CETP: variants seen among roughly 807,000 people sequenced by gnomAD.
The protein encoded by CETP is cholesteryl ester transfer protein.
Under a neutral mutation model 66.5 loss-of-function variants are expected in CETP, and 56 were observed. That is an observed-to-expected ratio of 0.84 (90% CI 0.68 to 1.05). The LOEUF (loss-of-function observed/expected upper bound fraction) is 1.05. Ranked by LOEUF, CETP falls within the 50% of genes least tolerant of loss-of-function variation. The probability of loss-of-function intolerance (pLI) is 0.00; values close to 1 mark genes in which losing one functional copy is unlikely to be tolerated. For synonymous variants in CETP, 251 were observed against 245.7 expected, an observed-to-expected ratio of 1.02 and a Z score of -0.20; for missense variants, 612 against 609.6, an observed-to-expected ratio of 1.00 and a Z score of -0.04.
intron 2 of CETP, among the ~76,000 whole-genome samples, chr16:56,966,859 C>T (rs1201289895): frequency 2.0e-5 from 3 of 151,536 alleles, no homozygotes; most frequent in South Asian, 2.1e-4. Context: ...AGATGATCCA[C>T]CTGCCTCGGC....
In CETP at chr16:56,981,628, C is replaced by T. The variant is rs776205852; in HGVS notation, c.1215-19C>T. On this transcript the variant is annotated intron_variant, in intron 12 of 15. Coordinates refer to ENST00000200676, the MANE Select transcript of CETP (RefSeq NM_000078.3). Reference sequence around the variant, plus strand: ...GGGGCCCAATGGAGGGTCAAATTATCATCGCTTTTTTATTTCAGGATTACA... The same window carrying T: ...GGGGCCCAATGGAGGGTCAAATTATTATCGCTTTTTTATTTCAGGATTACA... The T allele has an allele frequency of 9.3e-6, 15 of 1,613,698 alleles. No individual in the cohort carries two copies. The East Asian group carries it at 2.7e-4, about 29-fold the overall frequency.
At chr16:56,967,732 C>G (rs183066742) in intron 2 of CETP, among the ~76,000 whole-genome samples, 10 of 151,192 alleles carry the variant, frequency 6.6e-5, no homozygotes, top group African/African-American at 2.4e-4. Flanking sequence ...GTAGTAGGGT[C>G]TAATTCTAAA....
intron 2 of CETP, among the ~76,000 whole-genome samples, chr16:56,968,276 C>T (rs532929480): frequency 1.3e-5 from 2 of 152,162 alleles, no homozygotes; most frequent in African/African-American, 2.4e-5. Context: ...ACTTCCGCCT[C>T]GTGGGTTCAG....
intron 8 of CETP, among the ~76,000 whole-genome samples, chr16:56,972,394 C>G (rs561684377): frequency 1.3e-5 from 2 of 152,232 alleles, no homozygotes; most frequent in South Asian, 2.1e-4. Flanking sequence ...GTGGCCCCCC[C>G]CCAGGGGGTA....
At chr16:56,970,984 G>A (rs2056105337) in intron 5 of CETP, 49 bp from the exon 6 acceptor site, 1 of 1,577,652 alleles carries the variant, frequency 6.3e-7, no homozygotes, top group Non-Finnish European at 8.7e-7. Context: ...GGCGCTCCAT[G>A]GATGCACAGG....
chr16:56,978,340 A>G, intron 11 of CETP, 85 bp downstream of exon 11: 1 of 1,532,668 alleles, frequency 6.5e-7, no homozygotes, highest in Non-Finnish European at 9.0e-7. Context: ...GGGTCTCTGA[A>G]GCCTCCAGAT....
chr16:56,982,679 C>T (rs1202298765), intron 14 of CETP, among the ~76,000 whole-genome samples: 1 of 152,164 alleles, frequency 6.6e-6, no homozygotes, highest in African/African-American at 2.4e-5. Context: ...TGAGGTGACT[C>T]GGATGGTAGA....
rs752197781 is a variant in CETP at position 56,969,695 on chromosome 16, G to T, written c.439+14G>T. ...ACACACAGCTGAGTATGTGTCAAGC[G>T]TCCTCTGGGGAAGTGGGAGCTGGAC... On this transcript the variant is annotated intron_variant, in intron 4 of 15. Transcript: ENST00000200676. 6 of 1,613,260 alleles carry T rather than the reference G, an allele frequency of 3.7e-6. No homozygotes were observed. Among genetic ancestry groups the T allele is most frequent in the Non-Finnish European group, 4.2e-6 (5 of 1,179,888 alleles).
At position 56,973,530 on chromosome 16, in the gene CETP, C is replaced by CTGCT; in HGVS notation, c.930+21_930+24dup. 6.2e-7 allele frequency: 1 copy of CTGCT among 1,613,758 alleles called. No individual in the cohort carries two copies. Among genetic ancestry groups the CTGCT allele is most frequent in the Non-Finnish European group, 8.5e-7 (1 of 1,179,848 alleles). On this transcript the variant is annotated intron_variant, in intron 9 of 15. Coordinates refer to ENST00000200676, the MANE Select transcript of CETP (RefSeq NM_000078.3). ...TTCAAGGTGAGTGGGTGGGGCTGGG[C>CTGCT]TGCTAGGGGATCCAGATGGCATGTG...
In CETP at chr16:56,969,474, G is replaced by A; in HGVS notation, c.322G>A (p.Val108Met). Residue 108 changes from valine to methionine, a missense_variant, in exon 3 of 16, where the codon GTG (valine) becomes ATG (methionine). Physicochemically the swap from Val to Met is conservative, Grantham distance 21 (BLOSUM62 1). Transcript: ENST00000200676. The stretch of plus-strand genomic sequence containing the variant: ...TGATGTCTCCATTCAGAACGTGTCT[G>A]TGGTCTTCAAGGGGACCCTGAAGTA... ...SIDVSIQNVS[V>M]VFKGTLKYGY... 2 of 1,614,192 alleles carry A rather than the reference G, an allele frequency of 1.2e-6. No homozygotes were observed. Among genetic ancestry groups the A allele is most frequent in the African/African-American group, 1.3e-5 (1 of 75,048 alleles).
chr16:56,976,320 C>T (rs56208677), intron 10 of CETP, among the ~76,000 whole-genome samples: 6,648 of 152,238 alleles, frequency 0.044, 248 homozygotes, highest in Non-Finnish European at 0.069. Context: ...GTGTAGGATA[C>T]AGGCTAAACG....
At chr16:56,972,932 G>A (rs1442482563) in intron 8 of CETP, among the ~76,000 whole-genome samples, 2 of 152,092 alleles carry the variant, frequency 1.3e-5, no homozygotes, top group East Asian at 1.9e-4. Flanking sequence ...CGGGGGACTG[G>A]GCAGCAGCTT....
chr16:56,981,753 G>T (rs2056190246), intron 13 of CETP, 73 bp downstream of exon 13: 2 of 1,503,238 alleles, frequency 1.3e-6, no homozygotes, highest in Non-Finnish European at 9.3e-7. Flanking sequence ...CAGGCGGAGG[G>T]CCCTAAAGGA....
rs534225179 is a variant in CETP, at chr16:56,972,534, G to A, written c.750+451G>A. Among the ~76,000 whole-genome samples, 5 of 152,300 alleles carry A rather than the reference G, an allele frequency of 3.3e-5. No homozygotes were observed. In the South Asian group the frequency reaches 1.0e-3, roughly 32 times the overall value. ...TTGCGTTCTGAGCATCTGCAGCCCCGCGGGATCAGGAGGCTGCAGGGTGTC... is the reference window on the plus strand; with the variant it reads ...TTGCGTTCTGAGCATCTGCAGCCCCACGGGATCAGGAGGCTGCAGGGTGTC... On this transcript the variant is annotated intron_variant, in intron 8 of 15. Transcript: ENST00000200676.
rs60531466 is a variant in CETP, at chr16:56,969,131, C to T, written c.234-255C>T. Among the ~76,000 whole-genome samples, 3,513 of 152,060 alleles carry T rather than the reference C, an allele frequency of 0.023. 147 individuals are homozygous for T. The highest frequency in any genetic ancestry group is 0.08 in the African/African-American group (3,303 of 41,430). ...ACCCTGTGATTGTATTGGGACCACC[C>T]AGATAACCTAGGATCATCTCCCCAC... On this transcript the variant is annotated intron_variant, in intron 2 of 15. Coordinates refer to ENST00000200676, the MANE Select transcript of CETP (RefSeq NM_000078.3).
chr16:56,972,123 C>T (rs2056115703), intron 8 of CETP, 40 bp downstream of exon 8: 1 of 1,516,284 alleles, frequency 6.6e-7, no homozygotes, highest in Non-Finnish European at 9.2e-7. Flanking sequence ...CCAGCTTCCC[C>T]AGGGGAGTTG....
chr16:56,966,881 C>T (rs2056071122), intron 2 of CETP, among the ~76,000 whole-genome samples: 2 of 151,320 alleles, frequency 1.3e-5, no homozygotes, highest in Admixed American at 1.3e-4. Flanking sequence ...TTCCAAAGTG[C>T]TGGGATTATA....
At chr16:56,966,215 G>A (rs1567469677) in intron 2 of CETP, among the ~76,000 whole-genome samples, 1 of 152,194 alleles carries the variant, frequency 6.6e-6, no homozygotes, top group African/African-American at 2.4e-5. Flanking sequence ...GGGCTATAGG[G>A]GAGAATTAAT....
chr16:56,966,787 G>A (rs1344055966), intron 2 of CETP, among the ~76,000 whole-genome samples: 5 of 135,112 alleles, frequency 3.7e-5, no homozygotes, highest in African/African-American at 1.4e-4. Context: ...TTTTTTTTAT[G>A]CATTTTTAGT....
Sources: gnomAD v4.1 joint callset for allele counts (sites outside exome capture counted in the v4.1 genomes callset) on GRCh38, gnomAD v4.1.1 for gene constraint, MANE v1.5 for transcripts, NCBI Gene and HGNC (gene_info 2026-07-23, HGNC 2026-07-21) for gene names.